DCAF8L2: variants seen among roughly 807,000 people sequenced by gnomAD.
DCAF8L2 encodes the protein DDB1- and CUL4-associated factor 8-like protein 2.
For missense variants in DCAF8L2, 430 were observed against 490.7 expected (o/e 0.88, Z 1.17); for synonymous variants, 200 against 190.9 (o/e 1.05, Z -0.39).
At chrX:27,606,286 GGAATTATATATATAT>G (rs1926875207) in intron 1 of DCAF8L2, among the ~76,000 whole-genome samples, 2 of 74,218 alleles carry the variant, frequency 2.7e-5, no homozygotes, top group Admixed American at 1.7e-4. Context: ...TATATATATA[GGAATTATATATATAT>G]GAATTATATA....
At chrX:27,490,986 A>G in the DCAF8L2 span, among the ~76,000 whole-genome samples, 1 of 111,835 alleles carries the variant, frequency 8.9e-6, no homozygotes, top group Non-Finnish European at 1.9e-5. Flanking sequence ...CTATGAAAAT[A>G]ATCTTCATAT....
chrX:27,521,557 G>A, the DCAF8L2 span, among the ~76,000 whole-genome samples: 3 of 112,132 alleles, frequency 2.7e-5, no homozygotes, highest in Admixed American at 2.9e-4. Flanking sequence ...TGAAATATTG[G>A]AATACGTGGT....
the DCAF8L2 span, among the ~76,000 whole-genome samples, chrX:27,480,603 A>G: frequency 9.0e-6 from 1 of 111,548 alleles, no homozygotes; most frequent in Non-Finnish European, 1.9e-5. Context: ...TGTGTTTCAG[A>G]TATCCCTTTG....
intron 1 of DCAF8L2, among the ~76,000 whole-genome samples, chrX:27,630,298 A>G (rs180687495): frequency 2.6e-3 from 296 of 111,908 alleles, no homozygotes; most frequent in Non-Finnish European, 4.9e-3. Context: ...CTATATACAT[A>G]CAACCTGCCA....
chrX:27,598,972 A>ATATAT (rs1278710087), intron 1 of DCAF8L2, among the ~76,000 whole-genome samples: 43 of 81,069 alleles, frequency 5.3e-4, no homozygotes, highest in African/African-American at 1.9e-3. Flanking sequence ...AAAAAAAAAA[A>ATATAT]AAATATATAT....
At chrX:27,600,568 T>G (rs1926593865) in intron 1 of DCAF8L2, among the ~76,000 whole-genome samples, 1 of 111,970 alleles carries the variant, frequency 8.9e-6, no homozygotes. Context: ...TTCCGAAAAT[T>G]TTATCTTCAA....
intron 4 of DCAF8L2, among the ~76,000 whole-genome samples, chrX:27,723,165 C>T (rs983741702): frequency 9.2e-6 from 1 of 109,002 alleles, no homozygotes; most frequent in African/African-American, 3.3e-5. Context: ...GATGTCCATT[C>T]CCCCAAAGTT....
At chrX:27,675,045 TA>T (rs1389862328) in intron 2 of DCAF8L2, among the ~76,000 whole-genome samples, 1 of 112,222 alleles carries the variant, frequency 8.9e-6, no homozygotes, top group East Asian at 2.8e-4. Context: ...TTGTTCCAAG[TA>T]ATTTTTTTTA....
At chrX:27,567,896 T>C in the DCAF8L2 span, among the ~76,000 whole-genome samples, 1 of 110,667 alleles carries the variant, frequency 9.0e-6, no homozygotes, top group African/African-American at 3.3e-5. Context: ...TGATTAAAGA[T>C]TTAAAATACT....
At chrX:27,533,774 G>T in the DCAF8L2 span, among the ~76,000 whole-genome samples, 947 of 112,432 alleles carry the variant, frequency 8.4e-3, 5 homozygotes, top group African/African-American at 0.029. Context: ...CAGATTAAAG[G>T]AAATGCGTGA....
intron 2 of DCAF8L2, among the ~76,000 whole-genome samples, chrX:27,675,402 A>T (rs920069085): frequency 8.9e-6 from 1 of 111,906 alleles, no homozygotes; most frequent in African/African-American, 3.2e-5. Flanking sequence ...AACATTGTAA[A>T]ATTTTGGCAA....
At position 27,747,050 on chromosome X, in the gene DCAF8L2, G is replaced by A. The variant is rs769583415; in HGVS notation, c.155G>A (p.Gly52Glu). ...TCAGAGCTGAGTGTGACAGTGACCG[G>A]AGATGGCAGTGATAGCAGGGATGGT... ...ATSELSVTVT[G>E]DGSDSRDGGF... The change falls in exon 5 of 5, where the codon GGA (glycine) becomes GAA (glutamate). Residue 52 changes from glycine (G) to glutamate (E), a missense_variant. Transcript: ENST00000451261. 3.4e-6 allele frequency: 4 copies of A among 1,169,817 alleles called. No homozygotes were observed. Among genetic ancestry groups the A allele is most frequent in the Non-Finnish European group, 4.6e-6 (4 of 874,732 alleles).
intron 3 of DCAF8L2, among the ~76,000 whole-genome samples, chrX:27,701,214 AG>A (rs965788050): frequency 9.0e-6 from 1 of 111,621 alleles, no homozygotes; most frequent in African/African-American, 3.2e-5. Context: ...AAGAGTCCAA[AG>A]AAACAATGAA....
the DCAF8L2 span, among the ~76,000 whole-genome samples, chrX:27,494,340 A>T: frequency 9.0e-6 from 1 of 111,298 alleles, no homozygotes; most frequent in Non-Finnish European, 1.9e-5. Flanking sequence ...TGAGAGGCAG[A>T]GGTTGCGGTG....
At chrX:27,471,781 C>T in the DCAF8L2 span, among the ~76,000 whole-genome samples, 30 of 111,483 alleles carry the variant, frequency 2.7e-4, no homozygotes, top group African/African-American at 8.8e-4. Flanking sequence ...AAAGATAGGT[C>T]TCGGCCCATC....
At chrX:27,513,563 G>A in the DCAF8L2 span, among the ~76,000 whole-genome samples, 1 of 109,760 alleles carries the variant, frequency 9.1e-6, no homozygotes, top group Admixed American at 9.8e-5. Context: ...AAATTAGCTG[G>A]GCGTGGTGGC....
At chrX:27,625,652 GTA>G (rs1332603774) in intron 1 of DCAF8L2, among the ~76,000 whole-genome samples, 1 of 111,779 alleles carries the variant, frequency 8.9e-6, no homozygotes, top group Non-Finnish European at 1.9e-5. Flanking sequence ...AATGTGGTAC[GTA>G]TACACCGTGG....
chrX:27,557,667 G>T, the DCAF8L2 span, among the ~76,000 whole-genome samples: 1 of 110,538 alleles, frequency 9.0e-6, no homozygotes, highest in African/African-American at 3.3e-5. Flanking sequence ...TCACATTCCC[G>T]CTTTGCTCAG....
chrX:27,606,350 TATCTAGGA>T (rs1387870072), intron 1 of DCAF8L2, among the ~76,000 whole-genome samples: 11 of 60,846 alleles, frequency 1.8e-4, no homozygotes, highest in Admixed American at 5.5e-4. Flanking sequence ...ATTATATATA[TATCTAGGA>T]ATATATATAT....
Sources: allele counts gnomAD v4.1 joint callset (sites outside exome capture counted in the v4.1 genomes callset), GRCh38; gene constraint gnomAD v4.1.1; transcripts MANE v1.5; gene names NCBI Gene and HGNC (gene_info 2026-07-23, HGNC 2026-07-21).